The following PLD5 variants were observed in gnomAD, a reference collection of about 807,000 sequenced individuals.
PLD5 encodes inactive phospholipase D5.
A neutral mutation model predicts 61.1 loss-of-function variants in PLD5; 36 were observed. The ratio of observed to expected loss-of-function variants is 0.59; its 90% CI spans 0.45 to 0.78. The LOEUF is 0.78. PLD5 is among the 30% of genes least tolerant of loss of function. PLD5 has a pLI of 0.00. For synonymous variants in PLD5, 243 were observed against 242.8 expected, an observed-to-expected ratio of 1.00 and a Z score of -0.01; for missense variants, 515 against 644.4, an observed-to-expected ratio of 0.80 and a Z score of 2.17.
At position 242,191,333 on chromosome 1, in the gene PLD5, C is replaced by T. The variant is rs867500816; in HGVS notation, c.735+28655G>A. On this transcript the variant is annotated intron_variant, in intron 5 of 9. Transcript: ENST00000536534. The stretch of plus-strand genomic sequence containing the variant: ...AGGCACGGTGGCTCATGCCTATAAT[C>T]CCAGCAGTTTAGAAGGCCATGGCAG... Among the ~76,000 whole-genome samples the T allele has an allele frequency of 3.9e-5, 6 of 152,250 alleles. No homozygotes were observed. The Middle Eastern group carries it at 0.01, about 259-fold the overall frequency.
intron 5 of PLD5, chr1:242,203,502 G>A (rs923118500): frequency 1.3e-5 from 2 of 152,362 alleles, no homozygotes; most frequent in Non-Finnish European, 2.9e-5. Context: ...CGTGGGAGGT[G>A]TTAGGGTCCT....
chr1:242,152,477 G>A (rs1665005322), intron 5 of PLD5, among the ~76,000 whole-genome samples: 1 of 152,038 alleles, frequency 6.6e-6, no homozygotes, highest in African/African-American at 2.4e-5. Flanking sequence ...CCTACATTAG[G>A]TATTTCTCCT....
intron 5 of PLD5, among the ~76,000 whole-genome samples, chr1:242,132,902 T>TTCCCTTC (rs1663401301): frequency 6.6e-6 from 1 of 151,928 alleles, no homozygotes; most frequent in Non-Finnish European, 1.5e-5. Flanking sequence ...CAGAATAGGG[T>TTCCCTTC]CTGGAGGAAG....
Position 242,116,586 on chromosome 1 carries a change from T to C in PLD5, c.934-2560A>G, listed in dbSNP as rs543511236. Among the ~76,000 whole-genome samples the C allele has an allele frequency of 2.2e-4, 33 of 152,190 alleles. No homozygotes were observed. In the East Asian group the frequency reaches 6.0e-3, roughly 28 times the overall value. The stretch of plus-strand genomic sequence containing the variant: ...CTTCCTTCCCCACATGCGCTAGTGG[T>C]CCTCAGTGTTTAGTGTTGCCATCTC... On this transcript the variant is annotated intron_variant, in intron 6 of 9. Coordinates refer to ENST00000536534, the MANE Select transcript of PLD5 (RefSeq NM_001372062.1).
At chr1:242,097,409 CTGT>C (rs1660332796) in intron 9 of PLD5, among the ~76,000 whole-genome samples, 1 of 152,196 alleles carries the variant, frequency 6.6e-6, no homozygotes. Context: ...TCTCCAGCAC[CTGT>C]TGTTTCCTGA....
intron 4 of PLD5, among the ~76,000 whole-genome samples, chr1:242,223,129 A>C (rs10926663): frequency 0.3 from 46,135 of 151,956 alleles, 7,300 homozygotes; most frequent in East Asian, 0.53. Flanking sequence ...TGGTTCACAG[A>C]GGGTGCCTCC....
At chr1:242,242,239 A>G (rs543433330) in intron 4 of PLD5, among the ~76,000 whole-genome samples, 169 of 152,174 alleles carry the variant, frequency 1.1e-3, no homozygotes, top group African/African-American at 2.7e-3. Context: ...CTAGAATTGT[A>G]ATCTGAGTCT....
chr1:242,470,155 C>G (rs1667398603), intron 1 of PLD5, among the ~76,000 whole-genome samples: 1 of 151,894 alleles, frequency 6.6e-6, no homozygotes, highest in South Asian at 2.1e-4. Context: ...TCCTGGCTAA[C>G]ACAGTTAAAC....
intron 1 of PLD5, among the ~76,000 whole-genome samples, chr1:242,394,053 A>G (rs10926720): frequency 0.46 from 38,757 of 84,182 alleles, 11,358 homozygotes; most frequent in Admixed American, 0.57. Flanking sequence ...CGACGACTCC[A>G]TCTCAAAAAA....
At chr1:242,239,170 C>A (rs1349164334) in intron 4 of PLD5, among the ~76,000 whole-genome samples, 1 of 152,086 alleles carries the variant, frequency 6.6e-6, no homozygotes, top group Non-Finnish European at 1.5e-5. Context: ...GTATTTTATT[C>A]ATTTGAAATC....
chr1:242,439,015 A>G (rs1392353813), intron 1 of PLD5, among the ~76,000 whole-genome samples: 1 of 151,960 alleles, frequency 6.6e-6, no homozygotes, highest in African/African-American at 2.4e-5. Context: ...TTTTCTTTAC[A>G]TGCTTATTGT....
chr1:242,305,146 G>A (rs561329975), intron 2 of PLD5, among the ~76,000 whole-genome samples: 2 of 152,174 alleles, frequency 1.3e-5, no homozygotes, highest in Admixed American at 1.3e-4. Flanking sequence ...ATCTATTCAC[G>A]CACTTTTAAG....
chr1:242,437,941 A>C (rs953195188), intron 1 of PLD5, among the ~76,000 whole-genome samples: 15 of 152,352 alleles, frequency 9.8e-5, no homozygotes, highest in Non-Finnish European at 5.9e-5. Context: ...GTTGTTAAGC[A>C]ACAAATGGTG....
intron 4 of PLD5, among the ~76,000 whole-genome samples, chr1:242,264,761 G>A (rs1318250469): frequency 6.6e-6 from 1 of 152,112 alleles, no homozygotes; most frequent in Non-Finnish European, 1.5e-5. Flanking sequence ...ATTTGGATGT[G>A]AGAGCTCAAT....
intron 3 of PLD5, among the ~76,000 whole-genome samples, chr1:242,270,008 C>T (rs1317840518): frequency 6.6e-6 from 1 of 152,026 alleles, no homozygotes; most frequent in Non-Finnish European, 1.5e-5. Context: ...CCCAAAACAA[C>T]TGGGAGACAG....
At chr1:242,522,043 G>C (rs544716508) in intron 1 of PLD5, among the ~76,000 whole-genome samples, 1 of 152,000 alleles carries the variant, frequency 6.6e-6, no homozygotes, top group Admixed American at 6.5e-5. Flanking sequence ...AAAAATGTTC[G>C]TGATGTTTCA....
intron 1 of PLD5, among the ~76,000 whole-genome samples, chr1:242,416,639 C>T (rs1664848253): frequency 6.6e-6 from 1 of 152,180 alleles, no homozygotes; most frequent in African/African-American, 2.4e-5. Flanking sequence ...AAAAGAGCAA[C>T]TTCTTGACTT....
At chr1:242,337,864 T>C (rs1369989222) in intron 2 of PLD5, among the ~76,000 whole-genome samples, 6 of 152,144 alleles carry the variant, frequency 3.9e-5, no homozygotes, top group South Asian at 2.1e-4. Context: ...GTTGCAAACA[T>C]ATCGCTGCAT....
chr1:242,400,499 C>T (rs1310141387), intron 1 of PLD5, among the ~76,000 whole-genome samples: 1 of 152,162 alleles, frequency 6.6e-6, no homozygotes, highest in African/African-American at 2.4e-5. Flanking sequence ...AGGGACCCCA[C>T]ACTCTAGATA....
Sources: allele counts gnomAD v4.1 joint callset (sites outside exome capture counted in the v4.1 genomes callset), GRCh38; gene constraint gnomAD v4.1.1; transcripts MANE v1.5; gene names NCBI Gene and HGNC (gene_info 2026-07-23, HGNC 2026-07-21).